The following RNF212 variants were observed in gnomAD, a reference collection of about 807,000 sequenced individuals.
RNF212 encodes the protein ring finger protein 212.
A neutral mutation model predicts 34.7 loss-of-function variants in RNF212; 33 were observed. The ratio of observed to expected loss-of-function variants is 0.95; its 90% CI spans 0.72 to 1.27. The LOEUF (loss-of-function observed/expected upper bound fraction) is 1.27, where lower values mean the gene tolerates loss of function less well. Ranked by LOEUF, RNF212 falls within the 50% of genes most tolerant of loss-of-function variation. The probability of loss-of-function intolerance (pLI) is 0.00; values close to 1 mark genes in which losing one functional copy is unlikely to be tolerated. For synonymous variants in RNF212, 140 were observed against 136.1 expected (o/e 1.03, Z -0.20); for missense variants, 377 against 362.2 (o/e 1.04, Z -0.33).
intron 4 of RNF212, chr4:1,056,632 G>C: frequency 2.2e-6 from 1 of 447,518 alleles, no homozygotes; most frequent in Non-Finnish European, 3.0e-6. Context: ...TTATCAATAT[G>C]TTTAAGTCAT....
chr4:1,079,631 A>C lies in RNF212; in HGVS notation c.510+12T>G. On this transcript the variant is annotated intron_variant, in intron 8 of 9. Transcript: ENST00000433731. ...GGTATACAGAGGAACTCAGCAGGAG[A>C]GATGCACTTACTTTTCTAATCGGAG... 4 of 1,580,762 alleles carry C rather than the reference A, an allele frequency of 2.5e-6. No homozygotes were observed. Among genetic ancestry groups the C allele is most frequent in the Non-Finnish European group, 3.5e-6 (4 of 1,149,738 alleles).
intron 5 of RNF212, among the ~76,000 whole-genome samples, chr4:1,084,726 C>CAAAAAA (rs34470931): frequency 1.7e-5 from 1 of 60,454 alleles, no homozygotes. Flanking sequence ...GACCCTGTCT[C>CAAAAAA]AAAAAAAAAA....
At chr4:1,108,220 T>G in intron 2 of RNF212, 123 bp downstream of exon 2, 2 of 583,462 alleles carry the variant, frequency 3.4e-6, no homozygotes, top group Admixed American at 7.3e-5. Context: ...TACTCAGATA[T>G]CTTTGTTAAC....
chr4:1,080,831 C>A (rs557479113), intron 7 of RNF212, among the ~76,000 whole-genome samples: 3 of 152,220 alleles, frequency 2.0e-5, no homozygotes, highest in Non-Finnish European at 2.9e-5. Context: ...TTGTGCCTTC[C>A]ATCTGAAGAG....
intron 5 of RNF212, among the ~76,000 whole-genome samples, chr4:1,085,295 T>C (rs557710508): frequency 4.8e-4 from 73 of 152,346 alleles, no homozygotes; most frequent in African/African-American, 1.6e-3. Flanking sequence ...TCAGAACAGA[T>C]GCAATACGGC....
chr4:1,099,433 A>G (rs1723581173), intron 2 of RNF212, among the ~76,000 whole-genome samples: 1 of 152,150 alleles, frequency 6.6e-6, no homozygotes, highest in African/African-American at 2.4e-5. Context: ...CTAAGTGAGT[A>G]TTAACTGTCC....
rs1454642767 is a variant in RNF212, at chr4:1,110,608, CTA to C, written c.110-2206_110-2205del. 1.2e-4 allele frequency among the ~76,000 whole-genome samples: 18 copies of C among 152,194 alleles called. No individual in the cohort carries two copies. In the East Asian group the frequency reaches 3.5e-3, roughly 29 times the overall value. On this transcript the variant is annotated intron_variant, in intron 1 of 9. Coordinates refer to ENST00000433731, the MANE Select transcript of RNF212 (RefSeq NM_001131034.4). ...GACTTATTTTAACACGGAAGGAGGT[CTA>C]TGTTTGAGTAAGTAATAAAAGCAGA...
intron 3 of RNF212, among the ~76,000 whole-genome samples, chr4:1,091,850 G>A (rs1304480342): frequency 1.3e-5 from 2 of 152,162 alleles, no homozygotes; most frequent in East Asian, 3.9e-4. Context: ...TCCCCTACTC[G>A]ACAAGGGGAC....
chr4:1,081,594 A>G lies in RNF212; in HGVS notation c.388T>C (p.Phe130Leu). The change falls in exon 6 of 10, where the codon TTC becomes CTC. Residue 130 changes from phenylalanine (F) to leucine (L), a missense_variant. Transcript: ENST00000433731. ...GAAACTGAACTTTTTATTGTGCTGA[A>G]AGCTGTTTGTTGTGATGATCTCATA... ...QSMRSSQQTA[F>L]STIKSSVSTK... 2 of 1,611,436 alleles carry G rather than the reference A, an allele frequency of 1.2e-6. No homozygotes were observed.
chr4:1,084,117 T>C (rs1720803479), intron 5 of RNF212, among the ~76,000 whole-genome samples: 1 of 151,986 alleles, frequency 6.6e-6, no homozygotes, highest in South Asian at 2.1e-4. Flanking sequence ...TCTGGCTAAT[T>C]GTGTTTTGTT....
intron 3 of RNF212, among the ~76,000 whole-genome samples, chr4:1,060,889 G>A (rs994034023): frequency 6.6e-6 from 1 of 152,238 alleles, no homozygotes; most frequent in South Asian, 2.1e-4. Flanking sequence ...TCCAGGACCT[G>A]CCGTTCAACA....
intron 5 of RNF212, chr4:1,082,003 C>T: frequency 3.8e-6 from 1 of 265,342 alleles, no homozygotes; most frequent in African/African-American, 2.2e-5. Flanking sequence ...ATCATCCCAA[C>T]ACTTTGGGAG....
rs866094045 is a variant in RNF212, at chr4:1,095,273, A to G, written c.246+1492T>C. Among the ~76,000 whole-genome samples, 36 of 76,184 alleles carry G rather than the reference A, an allele frequency of 4.7e-4. 1 individual carries two copies. Among genetic ancestry groups the G allele is most frequent in the East Asian group, 3.9e-4 (1 of 2,536 alleles). The allele number at this position is 76,184 out of a possible 152,430, so 50.0% of individuals were successfully genotyped here. The stretch of plus-strand genomic sequence containing the variant: ...CCTGGCTCATCACGGAACCAAGCAC[A>G]CCCCCCACAGCTCCATGGTCTCGGG... On this transcript the variant is annotated intron_variant, in intron 3 of 9. Coordinates refer to ENST00000433731, the MANE Select transcript of RNF212 (RefSeq NM_001131034.4).
intron 3 of RNF212, 99 bp from the exon 4 acceptor site, chr4:1,090,937 G>C (rs1484140117): frequency 1.4e-6 from 1 of 720,046 alleles, no homozygotes; most frequent in Non-Finnish European, 2.5e-6. Context: ...TCTCAGGAGA[G>C]CTCACAGTGC....
chr4:1,102,651 G>A (rs1186732485), intron 2 of RNF212, among the ~76,000 whole-genome samples: 2 of 151,702 alleles, frequency 1.3e-5, no homozygotes. Flanking sequence ...AGGAGATCGA[G>A]ACCATCCTGG....
intron 3 of RNF212, among the ~76,000 whole-genome samples, chr4:1,092,801 G>A (rs1680026): frequency 0.18 from 28,118 of 152,184 alleles, 4,218 homozygotes; most frequent in African/African-American, 0.42. Context: ...CTGGGAGGCC[G>A]CGAAGGCCTG....
At chr4:1,097,498 A>G (rs1723247852) in intron 2 of RNF212, among the ~76,000 whole-genome samples, 2 of 152,060 alleles carry the variant, frequency 1.3e-5, no homozygotes, top group Admixed American at 6.5e-5. Context: ...CCAGCTACTC[A>G]GGAGGCTGAG....
At chr4:1,091,789 C>T (rs1056786746) in intron 3 of RNF212, among the ~76,000 whole-genome samples, 1 of 152,220 alleles carries the variant, frequency 6.6e-6, no homozygotes, top group African/African-American at 2.4e-5. Flanking sequence ...ATGACAGCCT[C>T]GCGGTTTCCT....
At chr4:1,112,105 G>A (rs982092914) in intron 1 of RNF212, among the ~76,000 whole-genome samples, 1 of 152,224 alleles carries the variant, frequency 6.6e-6, no homozygotes, top group Non-Finnish European at 1.5e-5. Context: ...TACCCTGGAG[G>A]CTGAGGTAGG....
Sources: allele counts gnomAD v4.1 joint callset (sites outside exome capture counted in the v4.1 genomes callset), GRCh38; gene constraint gnomAD v4.1.1; transcripts MANE v1.5; gene names NCBI Gene and HGNC (gene_info 2026-07-23, HGNC 2026-07-21).